ADAMTS1: variants seen among roughly 807,000 people sequenced by gnomAD.
ADAMTS1 encodes the protein ADAM metallopeptidase with thrombospondin type 1 motif 1, also known as A disintegrin and metalloproteinase with thrombospondin motifs 1.
ADAMTS1 carries 19 observed loss-of-function variants against 87.9 expected under a neutral mutation model. The observed-to-expected ratio is 0.22, with a 90% CI of 0.15 to 0.32. The LOEUF is 0.32. Among genes scored for constraint, ADAMTS1 ranks in the 10% least tolerant of loss-of-function variants. The pLI, the probability that ADAMTS1 is intolerant of heterozygous loss-of-function variation, is 1.00. For missense variants in ADAMTS1, 1,240 were observed against 1,259.1 expected, an observed-to-expected ratio of 0.98 and a Z score of 0.23; for synonymous variants, 542 against 501.8, an observed-to-expected ratio of 1.08 and a Z score of -1.07.
chr21:26,840,440 C>T lies in ADAMTS1; in HGVS notation c.1501G>A (p.Asp501Asn), dbSNP rs1451629973. 5.6e-6 allele frequency: 9 copies of T among 1,614,064 alleles called. No individual in the cohort carries two copies. Among genetic ancestry groups the T allele is most frequent in the Non-Finnish European group, 7.6e-6 (9 of 1,179,916 alleles). Residue 501 changes from aspartate (D) to asparagine (N), a missense_variant, in exon 5 of 9, where the codon GAT (aspartate) becomes AAT (asparagine). Asp to Asn is a conservative substitution (Grantham distance 23). Around this residue, in one of 3 missense-constraint regions of ADAMTS1, gnomAD observed 317 missense variants for 410.3 expected, o/e 0.77. Transcript: ENST00000284984. ...TFGEDSKHCP[D>N]AASTCSTLWC... ...AAGGTGCTACATGTGCTGGCTGCAT[C>T]GGGGCAGTGTTTGGAGTCCTCCCCA...
At chr21:26,841,786 T>C in intron 3 of ADAMTS1, 72 bp downstream of exon 3, 3 of 1,520,388 alleles carry the variant, frequency 2.0e-6, no homozygotes, top group Non-Finnish European at 2.7e-6. Context: ...ACCTACAGAC[T>C]CTCCTTCTTA....
rs1985395329 is a variant in ADAMTS1 at position 26,837,646 on chromosome 21, T to A, written c.2837A>T (p.Glu946Val). Reference protein sequence around the residue: ...LSHDGGVLSHESCDPLKKPKH... With the variant: ...LSHDGGVLSHVSCDPLKKPKH... ...AGGTTTCTTTAAAGGATCACAGCTC[T>A]CATGAGATAACACCCCTCCATCATG... is the stretch of plus-strand genomic sequence containing the variant. The change falls in exon 9 of 9, where the codon GAG becomes GTG. Residue 946 changes from glutamate (E) to valine (V), a missense_variant. This residue lies in a region of ADAMTS1 where 402 missense variants were observed against 399.1 expected (regional missense o/e 1.01). Coordinates refer to ENST00000284984, the MANE Select transcript of ADAMTS1 (RefSeq NM_006988.5). The A allele has an allele frequency of 2.5e-6, 4 of 1,614,104 alleles. No homozygotes were observed. Among genetic ancestry groups the A allele is most frequent in the Non-Finnish European group, 3.4e-6 (4 of 1,180,048 alleles).
Position 26,840,521 on chromosome 21 carries a change from G to C in ADAMTS1, c.1420C>G (p.Pro474Ala). Residue 474 changes from proline to alanine, a missense_variant, in exon 5 of 9, where the codon CCA (proline) becomes GCA (alanine). Physicochemically the swap from Pro to Ala is conservative, Grantham distance 27. Coordinates refer to ENST00000284984, the MANE Select transcript of ADAMTS1 (RefSeq NM_006988.5). ...MDKPQNPIQLPGDLPGTSYDA... is the reference protein window; with the variant it reads ...MDKPQNPIQLAGDLPGTSYDA... ...TACGAGGTGCCAGGGAGATCGCCTG[G>C]GAGCTGTATGGGATTCTGAGGCTTG... is the stretch of plus-strand genomic sequence containing the variant. 1 of 1,614,214 alleles carries C rather than the reference G, an allele frequency of 6.2e-7. No individual in the cohort carries two copies. The highest frequency in any genetic ancestry group is 8.5e-7 in the Non-Finnish European group (1 of 1,180,040).
Position 26,845,105 on chromosome 21 carries a change from C to T in ADAMTS1, c.-151G>A. ...GAAGGGCGCGCAGAGCCGGCTACAG[C>T]CGAAGCTCCCGGAGTCACTAAAAGG... On this transcript the variant is annotated 5_prime_UTR_variant, in exon 1 of 9. Coordinates refer to ENST00000284984, the MANE Select transcript of ADAMTS1 (RefSeq NM_006988.5). 1 of 1,117,402 alleles carries T rather than the reference C, an allele frequency of 8.9e-7. No individual in the cohort carries two copies. The highest frequency in any genetic ancestry group is 1.2e-6 in the Non-Finnish European group (1 of 865,568). The allele number at this position is 1,117,402 out of a possible 1,614,324, so 69.2% of individuals were successfully genotyped here. A position where few individuals can be genotyped will look rare whatever the true frequency, so the allele number is the denominator to read the frequency against.
chr21:26,838,418 A>T (rs8129724), intron 8 of ADAMTS1, 21 bp downstream of exon 8: 1 of 1,613,796 alleles, frequency 6.2e-7, no homozygotes, highest in Non-Finnish European at 8.5e-7. Flanking sequence ...AAGGTCTGCA[A>T]ATAGGTGTTT....
intron 4 of ADAMTS1, 124 bp from the exon 5 acceptor site, chr21:26,840,686 G>A: frequency 9.0e-7 from 1 of 1,116,508 alleles, no homozygotes; most frequent in Non-Finnish European, 1.3e-6. Context: ...AAACTGTAAA[G>A]CTGGGGGAGG....
rs1304525664 is a variant in ADAMTS1 at position 26,837,772 on chromosome 21, CA to C, written c.2710del (p.Cys904ValfsTer30). 6.2e-7 allele frequency: 1 copy of C among 1,614,188 alleles called. No homozygotes were observed. ...CCACTGGGGGCAGGGATGGTCTGCA[CA>C]AGGTCTGGTGCTGGCTGGCTTCACT... is the stretch of plus-strand genomic sequence containing the variant. ...KEVKPASTRP[C>X]ADHPCPQWQL... On this transcript the variant is annotated frameshift_variant, in exon 9 of 9. Coordinates refer to ENST00000284984, the MANE Select transcript of ADAMTS1 (RefSeq NM_006988.5). LOFTEE classifies it high-confidence loss of function.
At position 26,838,035 on chromosome 21, in the gene ADAMTS1, A is replaced by C; in HGVS notation, c.2448T>G (p.Pro816=). 1 of 1,614,200 alleles carries C rather than the reference A, an allele frequency of 6.2e-7. No individual in the cohort carries two copies. The highest frequency in any genetic ancestry group is 1.1e-5 in the South Asian group (1 of 91,082). Residue 816 remains proline (P), a synonymous_variant, in exon 9 of 9, where the codon CCT becomes CCG. Transcript: ENST00000284984. ...AALERIRSFS[P]LKEPLTIQVL... is the part of the protein sequence containing the mutation. ...CCTGGATGGTCAAGGGCTCTTTGAG[A>C]GGGCTAAAGCTGCGAATTCTTTCCA...
chr21:26,844,715 G>A lies in ADAMTS1; in HGVS notation c.240C>T (p.Ala80=), dbSNP rs757099221. 1.0e-4 allele frequency: 159 copies of A among 1,584,338 alleles called. 2 individuals are homozygous for A. The South Asian group carries it at 1.8e-3, about 18-fold the overall frequency. ...GHGTTRLRLH[A]FDQQLDLELR... ...GCTCCAGATCCAGCTGCTGGTCAAA[G>A]GCGTGCAGGCGGAGGCGCGTGGTCC... Residue 80 remains alanine, a synonymous_variant, in exon 1 of 9, where the codon GCC becomes GCT. Transcript: ENST00000284984.
At chr21:26,842,933 T>C (rs1299673879) in intron 1 of ADAMTS1, 4 of 511,840 alleles carry the variant, frequency 7.8e-6, no homozygotes, top group Non-Finnish European at 1.4e-5. Context: ...GCAGGATTTC[T>C]TCTGTTCTCT....
rs756524501 is a variant in ADAMTS1, at chr21:26,844,435, C to T, written c.520G>A (p.Gly174Arg). 4 of 1,588,496 alleles carry T rather than the reference C, an allele frequency of 2.5e-6. No homozygotes were observed. Among genetic ancestry groups the T allele is most frequent in the South Asian group, 1.1e-5 (1 of 88,134 alleles). ...TGTAGTGGTGCCGGCGGCTTCTCCC[C>T]TGGGGCGGCGGTGGCGAGGCGCTCG... ...ASERLATAAP[G>R]EKPPAPLQFH... is the part of the protein sequence containing the mutation. The change falls in exon 1 of 9, where the codon GGG (glycine) becomes AGG (arginine). Residue 174 changes from glycine (G) to arginine (R), a missense_variant. Gly to Arg is a moderately radical substitution (Grantham distance 125, BLOSUM62 -2). This residue lies in a region of ADAMTS1 where 521 missense variants were observed against 449.7 expected (regional missense o/e 1.16). Transcript: ENST00000284984.
chr21:26,844,710 T>C lies in ADAMTS1; in HGVS notation c.245A>G (p.Asp82Gly), dbSNP rs753685753. The C allele has an allele frequency of 5.0e-6, 8 of 1,587,878 alleles. No homozygotes were observed. The highest frequency in any genetic ancestry group is 6.9e-6 in the Non-Finnish European group (8 of 1,166,730). Reference sequence around the variant, plus strand: ...CCGCAGCTCCAGATCCAGCTGCTGGTCAAAGGCGTGCAGGCGGAGGCGCGT... The same window carrying C: ...CCGCAGCTCCAGATCCAGCTGCTGGCCAAAGGCGTGCAGGCGGAGGCGCGT... ...GTTRLRLHAF[D>G]QQLDLELRPD... The change falls in exon 1 of 9, where the codon GAC becomes GGC. Residue 82 changes from aspartate to glycine, a missense_variant. By Grantham distance (94) the Asp-to-Gly change is moderately conservative. Around this residue, in one of 3 missense-constraint regions of ADAMTS1, gnomAD observed 521 missense variants for 449.7 expected, o/e 1.16. Transcript: ENST00000284984.
At chr21:26,843,899 G>A in intron 1 of ADAMTS1, 1 of 488,334 alleles carries the variant, frequency 2.0e-6, no homozygotes, top group Non-Finnish European at 3.9e-6. Flanking sequence ...AGAGTGGAAA[G>A]AACTCGCACA....
At chr21:26,842,276 C>A (rs1601923507) in intron 2 of ADAMTS1, 63 bp downstream of exon 2, 2 of 1,491,418 alleles carry the variant, frequency 1.3e-6, no homozygotes, top group Middle Eastern at 1.8e-4. Flanking sequence ...TTGTATATAT[C>A]TTTTTGGTAC....
rs1055322069 is a variant in ADAMTS1, at chr21:26,845,319, C to T, written c.-365G>A. 1 of 216,150 alleles carries T rather than the reference C, an allele frequency of 4.6e-6. No homozygotes were observed. Among genetic ancestry groups the T allele is most frequent in the Admixed American group, 5.5e-5 (1 of 18,220 alleles). 13.4% of individuals were successfully genotyped at this position (216,150 alleles called of 1,614,324 possible). Reference sequence around the variant, plus strand: ...GGCCTCCGCCTTGGCTGCGATGTTGCTCACTCTGCTCAGGGCTCTCCCCTC... The same window carrying T: ...GGCCTCCGCCTTGGCTGCGATGTTGTTCACTCTGCTCAGGGCTCTCCCCTC... On this transcript the variant is annotated 5_prime_UTR_variant, in exon 1 of 9. Coordinates refer to ENST00000284984, the MANE Select transcript of ADAMTS1 (RefSeq NM_006988.5).
intron 1 of ADAMTS1, chr21:26,843,668 T>C (rs417301): frequency 0.74 from 344,773 of 467,778 alleles, 130,463 homozygotes; most frequent in African/African-American, 0.89. Context: ...TCAGCCCGCC[T>C]GGGTCAGCCT....
In ADAMTS1 at chr21:26,845,331, A is replaced by G. The variant is rs987946743; in HGVS notation, c.-377T>C. On this transcript the variant is annotated 5_prime_UTR_variant, in exon 1 of 9. Coordinates refer to ENST00000284984, the MANE Select transcript of ADAMTS1 (RefSeq NM_006988.5). ...GGCTGCGATGTTGCTCACTCTGCTC[A>G]GGGCTCTCCCCTCTCCGTCCGGTAG... The G allele has an allele frequency of 2.0e-5, 4 of 201,716 alleles. No individual in the cohort carries two copies. Among genetic ancestry groups the G allele is most frequent in the Admixed American group, 5.9e-5 (1 of 17,068 alleles). The allele number at this position is 201,716 out of a possible 1,614,324, so 12.5% of individuals were successfully genotyped here.
intron 7 of ADAMTS1, 47 bp downstream of exon 7, chr21:26,839,540 A>C: frequency 6.9e-7 from 1 of 1,454,336 alleles, no homozygotes; most frequent in Non-Finnish European, 9.1e-7. Context: ...AAAGGTAGCA[A>C]GCCCAGGCCT....
rs1568811024 is a variant in ADAMTS1 at position 26,841,098 on chromosome 21, A to C, written c.1278T>G (p.Asp426Glu). The change falls in exon 4 of 9, where the codon GAT becomes GAG. Residue 426 changes from aspartate (D) to glutamate (E), a missense_variant. Transcript: ENST00000284984. ...QCASLNGVNQ[D>E]SHMMASMLSN... is the part of the protein sequence containing the mutation. Reference sequence around the variant, plus strand: ...AAAGCATTGACGCCATCATGTGGGAATCCTGGTTCACACCATTAAGGCTGG... The same window carrying C: ...AAAGCATTGACGCCATCATGTGGGACTCCTGGTTCACACCATTAAGGCTGG... 6.2e-7 allele frequency: 1 copy of C among 1,614,194 alleles called. No homozygotes were observed. Among genetic ancestry groups the C allele is most frequent in the South Asian group, 1.1e-5 (1 of 91,084 alleles).
Sources: allele counts gnomAD v4.1 joint callset, GRCh38; gene constraint gnomAD v4.1.1; regional missense constraint gnomAD v4.1.1; transcripts MANE v1.5; gene names NCBI Gene and HGNC (gene_info 2026-07-23, HGNC 2026-07-21).